FRMPD1: variants seen among roughly 807,000 people sequenced by gnomAD.
The protein encoded by FRMPD1 is FERM and PDZ domain-containing protein 1.
FRMPD1 carries 76 observed loss-of-function variants against 117.8 expected under a neutral mutation model. The ratio of observed to expected loss-of-function variants is 0.65; its 90% CI spans 0.54 to 0.78. The LOEUF (loss-of-function observed/expected upper bound fraction) is 0.78, where lower values mean the gene tolerates loss of function less well. FRMPD1 is among the 30% of genes least tolerant of loss of function. The probability of loss-of-function intolerance (pLI) is 0.00; values close to 1 mark genes in which losing one functional copy is unlikely to be tolerated. For synonymous variants in FRMPD1, 783 were observed against 770.4 expected (o/e 1.02, Z -0.27); for missense variants, 1,786 against 1,964.5 (o/e 0.91, Z 1.72).
At chr9:37,609,141 A>G in the FRMPD1 span, among the ~76,000 whole-genome samples, 1 of 151,640 alleles carries the variant, frequency 6.6e-6, no homozygotes, top group African/African-American at 2.4e-5. Context: ...AAATACAAAA[A>G]GTTAGCCGGG....
At chr9:37,616,702 C>T in the FRMPD1 span, among the ~76,000 whole-genome samples, 1 of 152,146 alleles carries the variant, frequency 6.6e-6, no homozygotes, top group Non-Finnish European at 1.5e-5. Flanking sequence ...ATTGAAAAAT[C>T]TAGTATCAGA....
intron 2 of FRMPD1, among the ~76,000 whole-genome samples, chr9:37,705,126 T>G (rs1183711239): frequency 2.6e-5 from 4 of 152,164 alleles, no homozygotes; most frequent in Non-Finnish European, 5.9e-5. Flanking sequence ...GTTTTTATCC[T>G]GCATCTCCAC....
the FRMPD1 span, among the ~76,000 whole-genome samples, chr9:37,610,182 G>A: frequency 2.0e-5 from 3 of 152,144 alleles, no homozygotes; most frequent in Non-Finnish European, 2.9e-5. Context: ...GAATCATTAT[G>A]GATACATAAC....
At position 37,746,297 on chromosome 9, in the gene FRMPD1, T is replaced by G. The variant is rs771364450; in HGVS notation, c.4265T>G (p.Phe1422Cys). Residue 1422 changes from phenylalanine (F) to cysteine (C), a missense_variant, in exon 16 of 16, where the codon TTC becomes TGC. Physicochemically the swap from Phe to Cys is radical, Grantham distance 205 (BLOSUM62 -2). Transcript: ENST00000377765. ...KATPASTPEG[F>C]IQLMESLLEL... The stretch of plus-strand genomic sequence containing the variant: ...ACCCCTGCCAGCACCCCTGAGGGCT[T>G]CATCCAACTCATGGAGAGCTTGCTG... 1.2e-6 allele frequency: 2 copies of G among 1,612,608 alleles called. No individual in the cohort carries two copies. Among genetic ancestry groups the G allele is most frequent in the East Asian group, 4.5e-5 (2 of 44,898 alleles).
At chr9:37,693,009 T>C (rs3827513) in intron 2 of FRMPD1, 179,024 of 523,880 alleles carry the variant, frequency 0.34, 34,930 homozygotes, top group East Asian at 0.76. Flanking sequence ...CACACAGACA[T>C]ACACACAGAA....
rs542144899 is a variant in FRMPD1, at chr9:37,707,558, G to A, written c.244G>A (p.Val82Met). ...TTCTGAGAGCCTTCCCCTTACAGTG[G>A]TGGCTGTCACAGCAGGTAGGGGATG... ...HISESLPLTVVAVTAGGSAHG... is the reference protein window; with the variant it reads ...HISESLPLTVMAVTAGGSAHG... Residue 82 changes from valine (V) to methionine (M), a missense_variant, in exon 3 of 16, where the codon GTG (valine) becomes ATG (methionine). Coordinates refer to ENST00000377765, the MANE Select transcript of FRMPD1 (RefSeq NM_014907.3). The A allele has an allele frequency of 3.1e-6, 5 of 1,613,718 alleles. No individual in the cohort carries two copies. The African/African-American group carries it at 5.3e-5, about 17-fold the overall frequency.
chr9:37,629,216 C>G, the FRMPD1 span, among the ~76,000 whole-genome samples: 1 of 151,946 alleles, frequency 6.6e-6, no homozygotes, highest in African/African-American at 2.4e-5. Context: ...AAAAGAAATT[C>G]TACTACATCA....
the FRMPD1 span, among the ~76,000 whole-genome samples, chr9:37,608,668 T>C: frequency 6.6e-6 from 1 of 152,192 alleles, no homozygotes; most frequent in African/African-American, 2.4e-5. Flanking sequence ...TTGCAAATCA[T>C]TCCTGGGAAT....
chr9:37,741,926 G>GGCTTCCCAT (rs1253356547), intron 15 of FRMPD1, among the ~76,000 whole-genome samples: 4 of 152,190 alleles, frequency 2.6e-5, no homozygotes, highest in Admixed American at 2.6e-4. Flanking sequence ...AGGCTTCCCA[G>GGCTTCCCAT]GCCAGGGCAA....
At chr9:37,630,652 G>A in the FRMPD1 span, among the ~76,000 whole-genome samples, 1 of 152,032 alleles carries the variant, frequency 6.6e-6, no homozygotes, top group African/African-American at 2.4e-5. Flanking sequence ...ATGTGCTGAG[G>A]TGGTCAGATC....
At chr9:37,717,426 C>A (rs1440877780) in intron 5 of FRMPD1, among the ~76,000 whole-genome samples, 1 of 142,060 alleles carries the variant, frequency 7.0e-6, no homozygotes. Context: ...GTCATCCAGG[C>A]TGGAGTACAG....
At chr9:37,614,919 G>T in the FRMPD1 span, among the ~76,000 whole-genome samples, 1 of 152,142 alleles carries the variant, frequency 6.6e-6, no homozygotes, top group African/African-American at 2.4e-5. Context: ...TAATTAGATT[G>T]CTTGATAAGT....
intron 10 of FRMPD1, 88 bp downstream of exon 10, chr9:37,732,528 C>A: frequency 8.0e-7 from 1 of 1,248,986 alleles, no homozygotes; most frequent in Non-Finnish European, 1.1e-6. Flanking sequence ...AGCTGATAGT[C>A]ACCCACCTAC....
chr9:37,739,544 G>T (rs1824284042), intron 14 of FRMPD1, among the ~76,000 whole-genome samples: 1 of 152,126 alleles, frequency 6.6e-6, no homozygotes, highest in Non-Finnish European at 1.5e-5. Flanking sequence ...GATCCAGAAG[G>T]CCAGGCTTTA....
chr9:37,628,170 A>G, the FRMPD1 span, among the ~76,000 whole-genome samples: 1 of 152,222 alleles, frequency 6.6e-6, no homozygotes, highest in South Asian at 2.1e-4. Context: ...TTACTTGGGT[A>G]TGTCTTTTCA....
At chr9:37,612,197 G>A in the FRMPD1 span, among the ~76,000 whole-genome samples, 17 of 152,036 alleles carry the variant, frequency 1.1e-4, no homozygotes, top group African/African-American at 3.9e-4. Flanking sequence ...CACTGTTTCC[G>A]GTCTGGGTTC....
At chr9:37,678,783 T>C (rs1341620738) in intron 1 of FRMPD1, among the ~76,000 whole-genome samples, 1 of 152,242 alleles carries the variant, frequency 6.6e-6, no homozygotes, top group Non-Finnish European at 1.5e-5. Context: ...CTGGAGTCAC[T>C]GCAGAGTCAG....
rs758588552 is a variant in FRMPD1 at position 37,724,338 on chromosome 9, G to T, written c.612+18G>T. ...CCGTGAAGGTATTAAGAATAAACTT[G>T]AACTTCTTTTCCCAAGAAGAATGTT... On this transcript the variant is annotated intron_variant, in intron 7 of 15. Transcript: ENST00000377765. The T allele has an allele frequency of 1.9e-5, 25 of 1,337,190 alleles. No individual in the cohort carries two copies. The highest frequency in any genetic ancestry group is 2.3e-5 in the Non-Finnish European group (21 of 928,544). 82.8% of individuals were successfully genotyped at this position (1,337,190 alleles called of 1,614,324 possible). A position where few individuals can be genotyped will look rare whatever the true frequency, so the allele number is the denominator to read the frequency against.
intron 6 of FRMPD1, among the ~76,000 whole-genome samples, chr9:37,723,360 G>A (rs529197368): frequency 2.0e-5 from 3 of 152,280 alleles, no homozygotes; most frequent in African/African-American, 7.2e-5. Context: ...CTCGTAGAAG[G>A]GCTCACTCTT....
Sources: gnomAD v4.1 joint callset for allele counts (sites outside exome capture counted in the v4.1 genomes callset) on GRCh38, gnomAD v4.1.1 for gene constraint, MANE v1.5 for transcripts, NCBI Gene and HGNC (gene_info 2026-07-23, HGNC 2026-07-21) for gene names.